Variants in TUT7 observed in about 807,000 individuals in gnomAD.
TUT7 encodes the protein terminal uridylyl transferase 7.
Under a neutral mutation model 165.9 loss-of-function variants are expected in TUT7, and 33 were observed. That is an observed-to-expected ratio of 0.20 (90% CI 0.15 to 0.27). TUT7 has a LOEUF of 0.27. Ranked by LOEUF, TUT7 falls within the 10% of genes least tolerant of loss-of-function variation. The probability of loss-of-function intolerance (pLI) is 1.00; values close to 1 mark genes in which losing one functional copy is unlikely to be tolerated. For missense variants in TUT7, 1,338 were observed against 1,762.3 expected (o/e 0.76, Z 4.31); for synonymous variants, 552 against 608.1 (o/e 0.91, Z 1.36).
chr9:86,332,861 T>C (rs1219228393), intron 10 of TUT7, among the ~76,000 whole-genome samples: 1 of 152,188 alleles, frequency 6.6e-6, no homozygotes, highest in Non-Finnish European at 1.5e-5. Context: ...TTTTGATATT[T>C]CCTACTTCTC....
intron 6 of TUT7, 41 bp from the exon 7 acceptor site, chr9:86,341,094 T>C (rs1320467027): frequency 3.8e-6 from 6 of 1,564,642 alleles, no homozygotes; most frequent in East Asian, 2.3e-5. Context: ...TATTCCTAAG[T>C]GATTTTGCTT....
chr9:86,298,179 A>G (rs981812986), intron 26 of TUT7, among the ~76,000 whole-genome samples: 2 of 152,046 alleles, frequency 1.3e-5, no homozygotes, highest in African/African-American at 4.8e-5. Flanking sequence ...AGCATTTGCC[A>G]CCACATGACA....
rs762127904 is a variant in TUT7, at chr9:86,323,850, T to G, written c.1900A>C (p.Lys634Gln). 5 of 1,614,152 alleles carry G rather than the reference T, an allele frequency of 3.1e-6. No homozygotes were observed. Among genetic ancestry groups the G allele is most frequent in the Non-Finnish European group, 4.2e-6 (5 of 1,180,004 alleles). The change falls in exon 13 of 27, where the codon AAA becomes CAA. Residue 634 changes from lysine to glutamine, a missense_variant. Lys to Gln is a moderately conservative substitution (Grantham distance 53). Transcript: ENST00000375963. ...TTTAGAAGGCTGGATTTTGTAATTT[T>G]GTGTGGAAGAGCAAAATACTTGTAT... ...TTYKYFALPH[K>Q]ITKSSLLKPL...
chr9:86,347,942 C>T (rs974235068), intron 2 of TUT7, among the ~76,000 whole-genome samples: 1 of 151,766 alleles, frequency 6.6e-6, no homozygotes, highest in Non-Finnish European at 1.5e-5. Context: ...ATTTAGTTTG[C>T]TTATCATTAT....
rs1451087998 is a variant in TUT7 at position 86,303,066 on chromosome 9, C to A, written c.4094+20G>T. On this transcript the variant is annotated intron_variant, in intron 25 of 26. Transcript: ENST00000375963. ...TTAAGAAAATAAAAACACAACCAACCCCTTTGAACATTTACTTACTTTCTC... is the reference window on the plus strand; with the variant it reads ...TTAAGAAAATAAAAACACAACCAACACCTTTGAACATTTACTTACTTTCTC... 8.2e-7 allele frequency: 1 copy of A among 1,216,036 alleles called. No individual in the cohort carries two copies. Among genetic ancestry groups the A allele is most frequent in the Admixed American group, 2.3e-5 (1 of 44,076 alleles). The allele number at this position is 1,216,036 out of a possible 1,614,324, so 75.3% of individuals were successfully genotyped here. A position where few individuals can be genotyped will look rare whatever the true frequency, so the allele number is the denominator to read the frequency against.
intron 2 of TUT7, 89 bp downstream of exon 2, chr9:86,352,591 T>C (rs769100149): frequency 2.0e-6 from 3 of 1,469,154 alleles, no homozygotes; most frequent in East Asian, 2.3e-5. Flanking sequence ...TGAAACTAAA[T>C]TGCTGAAAAT....
intron 11 of TUT7, 72 bp downstream of exon 11, chr9:86,328,268 G>A (rs1228587767): frequency 7.1e-7 from 1 of 1,402,388 alleles, no homozygotes; most frequent in East Asian, 2.6e-5. Flanking sequence ...AAGGAAAGAA[G>A]ACAAGACTGA....
chr9:86,309,285 T>C lies in TUT7; in HGVS notation c.3587A>G (p.Tyr1196Cys). Residue 1196 changes from tyrosine to cysteine, a missense_variant, in exon 21 of 27, where the codon TAC becomes TGC. Coordinates refer to ENST00000375963, the MANE Select transcript of TUT7 (RefSeq NM_024617.4). The stretch of plus-strand genomic sequence containing the variant: ...TATTTCAGGTTTCTTTTCACCTTTG[T>C]ATATCTGAAATTAATTTTTAAACTA... Reference protein sequence around the residue: ...PPVIPVLQEIYKGEKKPEIFV... With the variant: ...PPVIPVLQEICKGEKKPEIFV... The C allele has an allele frequency of 1.3e-6, 2 of 1,546,168 alleles. No homozygotes were observed. The highest frequency in any genetic ancestry group is 1.8e-6 in the Non-Finnish European group (2 of 1,126,666).
At position 86,328,221 on chromosome 9, in the gene TUT7, T is replaced by C. The variant is rs1021430692; in HGVS notation, c.1608+119A>G. ...TGTCTGTTCGAGGTACTAAACAGAC[T>C]GGCAAATGAAAGAGCCACGAAATAG... On this transcript the variant is annotated intron_variant, in intron 11 of 26. Coordinates refer to ENST00000375963, the MANE Select transcript of TUT7 (RefSeq NM_024617.4). 8.9e-6 allele frequency: 9 copies of C among 1,010,634 alleles called. No individual in the cohort carries two copies. In the East Asian group the frequency reaches 1.1e-4, roughly 13 times the overall value. 62.6% of individuals were successfully genotyped at this position (1,010,634 alleles called of 1,614,324 possible).
chr9:86,352,638 G>T, intron 2 of TUT7, 42 bp downstream of exon 2: 2 of 1,605,774 alleles, frequency 1.2e-6, no homozygotes, highest in Non-Finnish European at 1.7e-6. Flanking sequence ...ATAAAACATT[G>T]CTGACTCTGG....
intron 2 of TUT7, 107 bp from the exon 3 acceptor site, chr9:86,346,587 T>C (rs536106901): frequency 8.7e-7 from 1 of 1,146,918 alleles, no homozygotes; most frequent in Non-Finnish European, 1.2e-6. Flanking sequence ...AAATCACATC[T>C]GCATGCAGAG....
At chr9:86,343,025 A>T (rs1414203677) in intron 6 of TUT7, 50 bp downstream of exon 6, 1 of 1,212,910 alleles carries the variant, frequency 8.2e-7, no homozygotes, top group Non-Finnish European at 1.2e-6. Context: ...ATTTGTAAGA[A>T]AGAATTTCCA....
chr9:86,321,752 AC>A (rs1402014162), intron 14 of TUT7, among the ~76,000 whole-genome samples: 3 of 152,102 alleles, frequency 2.0e-5, no homozygotes, highest in African/African-American at 7.2e-5. Flanking sequence ...AAAAAAGGAA[AC>A]CTGCTATGAT....
intron 2 of TUT7, chr9:86,352,443 A>G: frequency 1.7e-6 from 1 of 592,706 alleles, no homozygotes; most frequent in Admixed American, 3.1e-5. Context: ...TTACTGACGT[A>G]AAGTGAGCCC....
intron 10 of TUT7, among the ~76,000 whole-genome samples, chr9:86,336,347 G>C (rs910784153): frequency 1.3e-5 from 2 of 152,128 alleles, no homozygotes; most frequent in Non-Finnish European, 2.9e-5. Context: ...ACAGTAGTCT[G>C]GTAGAGATAC....
intron 22 of TUT7, among the ~76,000 whole-genome samples, chr9:86,307,328 T>C (rs1219632328): frequency 1.3e-5 from 2 of 151,908 alleles, no homozygotes; most frequent in African/African-American, 4.8e-5. Context: ...ACTGCAGTGA[T>C]AACGAAAAGG....
intron 5 of TUT7, among the ~76,000 whole-genome samples, chr9:86,343,883 G>C (rs997829132): frequency 3.3e-5 from 5 of 152,108 alleles, no homozygotes; most frequent in Admixed American, 1.3e-4. Flanking sequence ...TTTCTCATCA[G>C]GGGTTGGTTT....
At chr9:86,310,885 T>A in intron 17 of TUT7, 76 bp from the exon 18 acceptor site, 1 of 846,308 alleles carries the variant, frequency 1.2e-6, no homozygotes, top group Non-Finnish European at 2.0e-6. Flanking sequence ...AATGTTCCAA[T>A]ATAAAATGGT....
In TUT7 at chr9:86,325,511, A is replaced by C; in HGVS notation, c.1612T>G (p.Ser538Ala). Residue 538 changes from serine to alanine, a missense_variant, in exon 12 of 27, where the codon TCA becomes GCA. By Grantham distance (99) the Ser-to-Ala change is moderately conservative. This residue lies in a region of TUT7 where 53 missense variants were observed against 46.3 expected (regional missense o/e 1.15). Coordinates refer to ENST00000375963, the MANE Select transcript of TUT7 (RefSeq NM_024617.4). ...RETPIKRGQV[S>A]LILDVKHQPS... ...TGGTGTTTCACATCCAATATTAATGACACCTATTAATAGCAAAGAGAAACA... is the reference window on the plus strand; with the variant it reads ...TGGTGTTTCACATCCAATATTAATGCCACCTATTAATAGCAAAGAGAAACA... 4 of 1,611,432 alleles carry C rather than the reference A, an allele frequency of 2.5e-6. No homozygotes were observed. The highest frequency in any genetic ancestry group is 3.4e-6 in the Non-Finnish European group (4 of 1,178,280).
Sources: allele counts gnomAD v4.1 joint callset (sites outside exome capture counted in the v4.1 genomes callset), GRCh38; gene constraint gnomAD v4.1.1; regional missense constraint gnomAD v4.1.1; transcripts MANE v1.5; gene names NCBI Gene and HGNC (gene_info 2026-07-23, HGNC 2026-07-21).